Variants in SNX29 observed in about 807,000 individuals in gnomAD.
SNX29 encodes the protein sorting nexin 29, also known as sorting nexin-29.
Under a neutral mutation model 102.1 loss-of-function variants are expected in SNX29, and 78 were observed. The ratio of observed to expected loss-of-function variants is 0.76; its 90% CI spans 0.64 to 0.92. The LOEUF (loss-of-function observed/expected upper bound fraction) is 0.92. Ranked by LOEUF, SNX29 falls within the 40% of genes least tolerant of loss-of-function variation. The probability of loss-of-function intolerance (pLI) is 0.00; values close to 1 mark genes in which losing one functional copy is unlikely to be tolerated. For synonymous variants in SNX29, 580 were observed against 414.5 expected (o/e 1.40, Z -4.85); for missense variants, 1,280 against 1,061.7 (o/e 1.21, Z -2.86).
rs1224165048 is a variant in SNX29 at position 12,569,898 on chromosome 16, T to C, written c.*1269T>C. On this transcript the variant is annotated 3_prime_UTR_variant, in exon 21 of 21. Transcript: ENST00000566228. Reference sequence around the variant, plus strand: ...AGTAAGTTTGTGTGTTTCGCCTTAATCTGAGGCAGAGACACAGCAGAACCT... The same window carrying C: ...AGTAAGTTTGTGTGTTTCGCCTTAACCTGAGGCAGAGACACAGCAGAACCT... The C allele has an allele frequency of 4.3e-6, 1 of 231,836 alleles. No individual in the cohort carries two copies. Among genetic ancestry groups the C allele is most frequent in the Non-Finnish European group, 8.5e-6 (1 of 117,228 alleles). 14.4% of individuals were successfully genotyped at this position (231,836 alleles called of 1,614,324 possible). A position where few individuals can be genotyped will look rare whatever the true frequency, so the allele number is the denominator to read the frequency against.
chr16:12,333,106 A>AT (rs34047585), intron 15 of SNX29, among the ~76,000 whole-genome samples: 60,085 of 135,342 alleles, frequency 0.44, 14,126 homozygotes, highest in Non-Finnish European at 0.52. Context: ...CAATCAGTTA[A>AT]TTTTTTTTTT....
chr16:12,487,853 A>G (rs2151852801), intron 19 of SNX29, among the ~76,000 whole-genome samples: 1 of 152,302 alleles, frequency 6.6e-6, no homozygotes, highest in South Asian at 2.1e-4. Context: ...CACCATGTAA[A>G]TATTCCTAGT....
At chr16:12,231,556 A>T (rs1386491104) in intron 14 of SNX29, among the ~76,000 whole-genome samples, 16 of 142,568 alleles carry the variant, frequency 1.1e-4, no homozygotes, top group Non-Finnish European at 1.8e-4. Flanking sequence ...AAAACAAAAA[A>T]CAAAAACAAA....
intron 14 of SNX29, among the ~76,000 whole-genome samples, chr16:12,257,336 G>A (rs1467011042): frequency 6.6e-6 from 1 of 152,104 alleles, no homozygotes; most frequent in Non-Finnish European, 1.5e-5. Context: ...GCTTTTAAGG[G>A]CTCACGTCAT....
At chr16:11,999,731 G>C (rs1419209445) in intron 2 of SNX29, among the ~76,000 whole-genome samples, 1 of 152,062 alleles carries the variant, frequency 6.6e-6, no homozygotes, top group Non-Finnish European at 1.5e-5. Flanking sequence ...GTGAAACCCT[G>C]TCTCTATAAA....
intron 17 of SNX29, among the ~76,000 whole-genome samples, chr16:12,403,155 G>A (rs2084015155): frequency 6.6e-6 from 1 of 150,982 alleles, no homozygotes; most frequent in African/African-American, 2.4e-5. Flanking sequence ...CACTCCATAA[G>A]AACTGAAGGG....
chr16:11,984,657 C>T (rs908359070), intron 1 of SNX29, among the ~76,000 whole-genome samples: 1 of 151,968 alleles, frequency 6.6e-6, no homozygotes, highest in African/African-American at 2.4e-5. Context: ...CCTCCCTTTC[C>T]TCTCTTTTTC....
intron 11 of SNX29, among the ~76,000 whole-genome samples, chr16:12,109,561 A>C (rs1346071482): frequency 1.3e-5 from 2 of 152,072 alleles, no homozygotes; most frequent in African/African-American, 4.8e-5. Context: ...CAGTGGCCTC[A>C]CTACAGCACT....
intron 13 of SNX29, among the ~76,000 whole-genome samples, chr16:12,195,448 C>CT (rs2076749676): frequency 6.6e-6 from 1 of 152,170 alleles, no homozygotes; most frequent in Non-Finnish European, 1.5e-5. Context: ...TTCATATTTC[C>CT]TAAAGCTCAC....
intron 15 of SNX29, among the ~76,000 whole-genome samples, chr16:12,296,607 T>C (rs912480731): frequency 4.6e-5 from 7 of 152,200 alleles, no homozygotes; most frequent in Non-Finnish European, 8.8e-5. Context: ...AAAACTTTAT[T>C]TACCAAAACA....
At chr16:12,491,705 G>A (rs527897695) in intron 19 of SNX29, among the ~76,000 whole-genome samples, 1 of 151,976 alleles carries the variant, frequency 6.6e-6, no homozygotes. Context: ...ACAGTCCCCG[G>A]TGTGTGATGT....
intron 15 of SNX29, among the ~76,000 whole-genome samples, chr16:12,355,385 T>C (rs1056964793): frequency 2.6e-5 from 4 of 152,146 alleles, no homozygotes; most frequent in Non-Finnish European, 5.9e-5. Context: ...TGGCCTGGTA[T>C]TGTTTTCGCA....
intron 16 of SNX29, chr16:12,374,397 A>G (rs2082797866): frequency 6.6e-6 from 1 of 152,142 alleles, no homozygotes; most frequent in African/African-American, 2.4e-5. Context: ...CTTTATTTTG[A>G]TCAGTCACTT....
intron 15 of SNX29, among the ~76,000 whole-genome samples, chr16:12,351,892 T>C (rs1485705926): frequency 1.3e-5 from 2 of 152,064 alleles, no homozygotes; most frequent in Non-Finnish European, 2.9e-5. Context: ...GGAACAGTGA[T>C]TGATTAGTGC....
chr16:12,191,262 A>T (rs2076635945), intron 13 of SNX29, among the ~76,000 whole-genome samples: 1 of 152,146 alleles, frequency 6.6e-6, no homozygotes, highest in Non-Finnish European at 1.5e-5. Context: ...TCACCGCTCC[A>T]TCACCTCCTG....
intron 18 of SNX29, among the ~76,000 whole-genome samples, chr16:12,429,789 T>C (rs1194684957): frequency 6.6e-6 from 1 of 152,236 alleles, no homozygotes; most frequent in African/African-American, 2.4e-5. Flanking sequence ...TGTTACATTC[T>C]TTTCCTGAAT....
intron 13 of SNX29, among the ~76,000 whole-genome samples, chr16:12,152,585 A>G (rs2055346402): frequency 6.6e-6 from 1 of 152,200 alleles, no homozygotes; most frequent in Admixed American, 6.5e-5. Context: ...CACCATCTTC[A>G]AACCAGTGAG....
intron 20 of SNX29, among the ~76,000 whole-genome samples, chr16:12,539,203 CACCATCACCGTCAAGATATAGACCAGT>C (rs1301550348): frequency 3.3e-5 from 5 of 152,104 alleles, no homozygotes; most frequent in Non-Finnish European, 7.4e-5. Context: ...TTTGAGTAAC[CACCATCACCGTCAAGATATAGACCAGT>C]TCCTTCACCC....
chr16:12,178,026 C>G (rs1348806770), intron 13 of SNX29, among the ~76,000 whole-genome samples: 1 of 152,176 alleles, frequency 6.6e-6, no homozygotes, highest in African/African-American at 2.4e-5. Flanking sequence ...TGTCTTAGAC[C>G]TCGTTGTCCT....
Sources: gnomAD v4.1 joint callset for allele counts (sites outside exome capture counted in the v4.1 genomes callset) on GRCh38, gnomAD v4.1.1 for gene constraint, MANE v1.5 for transcripts, NCBI Gene and HGNC (gene_info 2026-07-23, HGNC 2026-07-21) for gene names.